Variants in ST6GALNAC3 observed in about 807,000 individuals in gnomAD.
ST6GALNAC3 encodes alpha-N-acetylgalactosaminide alpha-2,6-sialyltransferase 3.
Under a neutral mutation model 32.7 loss-of-function variants are expected in ST6GALNAC3, and 25 were observed. The observed-to-expected ratio is 0.76, with a 90% confidence interval of 0.56 to 1.07. The LOEUF (loss-of-function observed/expected upper bound fraction) is 1.07, where lower values mean the gene tolerates loss of function less well. Among genes scored for constraint, ST6GALNAC3 ranks in the 50% least tolerant of loss-of-function variants. The pLI is 0.00. For missense variants in ST6GALNAC3, 355 were observed against 382.4 expected (o/e 0.93, Z 0.60); for synonymous variants, 129 against 133.1 (o/e 0.97, Z 0.21).
chr1:76,525,789 G>GTATA lies in ST6GALNAC3; in HGVS notation c.624-101662_624-101661insATAT, dbSNP rs1475642074. 7.7e-3 allele frequency among the ~76,000 whole-genome samples: 452 copies of GTATA among 58,764 alleles called. 4 individuals are homozygous for GTATA. Among genetic ancestry groups the GTATA allele is most frequent in the Non-Finnish European group, 0.012 (305 of 26,476 alleles). 38.6% of individuals were successfully genotyped at this position (58,764 alleles called of 152,430 possible). A position where few individuals can be genotyped will look rare whatever the true frequency, so the allele number is the denominator to read the frequency against. ...TGTGTGTTTGTGTGTGTGTGTGTGT[G>GTATA]TGTATATATATATATATATATATAT... On this transcript the variant is annotated intron_variant, in intron 3 of 4. Transcript: ENST00000328299.
At chr1:76,592,965 A>G (rs1053569898) in intron 3 of ST6GALNAC3, among the ~76,000 whole-genome samples, 4 of 151,596 alleles carry the variant, frequency 2.6e-5, no homozygotes, top group African/African-American at 9.7e-5. Context: ...TCTTTTCCAC[A>G]TACAAAGAAC....
intron 1 of ST6GALNAC3, among the ~76,000 whole-genome samples, chr1:76,216,344 C>G (rs1655462303): frequency 6.6e-6 from 1 of 152,196 alleles, no homozygotes. Flanking sequence ...ATAAGCCCCA[C>G]AAGGGCCAGG....
intron 3 of ST6GALNAC3, among the ~76,000 whole-genome samples, chr1:76,587,381 C>T (rs2100569023): frequency 6.6e-6 from 1 of 152,260 alleles, no homozygotes; most frequent in South Asian, 2.1e-4. Flanking sequence ...GATCAGTTCT[C>T]CTCAGCGCCT....
At chr1:76,312,313 T>C (rs1266007027) in intron 1 of ST6GALNAC3, among the ~76,000 whole-genome samples, 2 of 152,038 alleles carry the variant, frequency 1.3e-5, no homozygotes, top group East Asian at 3.9e-4. Context: ...CCTAAAACCA[T>C]AAAAACCCTA....
At chr1:76,549,534 T>A (rs1340484133) in intron 3 of ST6GALNAC3, among the ~76,000 whole-genome samples, 1 of 152,102 alleles carries the variant, frequency 6.6e-6, no homozygotes, top group East Asian at 1.9e-4. Flanking sequence ...CATATAGCTA[T>A]GTAGTGTTTT....
intron 1 of ST6GALNAC3, among the ~76,000 whole-genome samples, chr1:76,108,580 G>T (rs756658179): frequency 2.6e-5 from 4 of 152,164 alleles, no homozygotes; most frequent in Non-Finnish European, 5.9e-5. Context: ...TTAAGAGATG[G>T]TTAAAGAAAC....
At chr1:76,381,186 A>G (rs202015183) in intron 2 of ST6GALNAC3, among the ~76,000 whole-genome samples, 73 of 128,724 alleles carry the variant, frequency 5.7e-4, no homozygotes, top group Non-Finnish European at 7.8e-4. Flanking sequence ...AAAAAAAAAA[A>G]GAAAAAAAAA....
chr1:76,553,056 C>T (rs1664730100), intron 3 of ST6GALNAC3, among the ~76,000 whole-genome samples: 1 of 152,050 alleles, frequency 6.6e-6, no homozygotes, highest in South Asian at 2.1e-4. Flanking sequence ...AATGTTGAAA[C>T]ATCTTTTTAT....
At chr1:76,457,084 G>A (rs1184491574) in intron 3 of ST6GALNAC3, among the ~76,000 whole-genome samples, 2 of 151,890 alleles carry the variant, frequency 1.3e-5, no homozygotes, top group Non-Finnish European at 2.9e-5. Flanking sequence ...GCCAAATCAT[G>A]AGTGAACTCC....
At chr1:76,568,961 A>G (rs1364701284) in intron 3 of ST6GALNAC3, among the ~76,000 whole-genome samples, 2 of 152,242 alleles carry the variant, frequency 1.3e-5, no homozygotes, top group African/African-American at 4.8e-5. Flanking sequence ...ATGTGGTTAA[A>G]CTGCCCCAGG....
intron 1 of ST6GALNAC3, among the ~76,000 whole-genome samples, chr1:76,184,152 C>G (rs973999006): frequency 6.6e-6 from 1 of 151,858 alleles, no homozygotes; most frequent in African/African-American, 2.4e-5. Context: ...CTTATGTGAA[C>G]CAAAAACATC....
chr1:76,323,490 A>G (rs1313818264), intron 2 of ST6GALNAC3, among the ~76,000 whole-genome samples: 1 of 152,200 alleles, frequency 6.6e-6, no homozygotes, highest in African/African-American at 2.4e-5. Context: ...AGACTATCCT[A>G]GTCAACAAAT....
chr1:76,414,224 AG>A (rs1189521515), intron 3 of ST6GALNAC3, among the ~76,000 whole-genome samples: 3 of 152,112 alleles, frequency 2.0e-5, no homozygotes, highest in Admixed American at 6.6e-5. Flanking sequence ...TTAATTTGCA[AG>A]GTATCATTCG....
chr1:76,430,433 C>A (rs1267832958), intron 3 of ST6GALNAC3, among the ~76,000 whole-genome samples: 2 of 152,164 alleles, frequency 1.3e-5, no homozygotes, highest in Non-Finnish European at 2.9e-5. Flanking sequence ...TGTTCTCTGG[C>A]CCAACCACAT....
intron 1 of ST6GALNAC3, among the ~76,000 whole-genome samples, chr1:76,266,770 G>A (rs1192401947): frequency 6.6e-6 from 1 of 152,010 alleles, no homozygotes; most frequent in Non-Finnish European, 1.5e-5. Flanking sequence ...GTCCCTCTTG[G>A]GGCAGAGACA....
intron 1 of ST6GALNAC3, among the ~76,000 whole-genome samples, chr1:76,198,630 A>G (rs574069281): frequency 6.6e-6 from 1 of 152,274 alleles, no homozygotes; most frequent in Non-Finnish European, 1.5e-5. Context: ...AGAGGAATCA[A>G]GTCTGCCTCA....
intron 1 of ST6GALNAC3, among the ~76,000 whole-genome samples, chr1:76,276,006 C>A (rs539108621): frequency 6.6e-6 from 1 of 152,090 alleles, no homozygotes; most frequent in Admixed American, 6.6e-5. Context: ...AAATAGCTAG[C>A]ATTTCCAGGT....
intron 1 of ST6GALNAC3, among the ~76,000 whole-genome samples, chr1:76,097,811 C>T (rs2100766614): frequency 6.6e-6 from 1 of 152,206 alleles, no homozygotes; most frequent in African/African-American, 2.4e-5. Context: ...CATTCCTGTA[C>T]CTGTCTCTTG....
chr1:76,248,908 G>A (rs942216480), intron 1 of ST6GALNAC3, among the ~76,000 whole-genome samples: 4 of 152,084 alleles, frequency 2.6e-5, no homozygotes, highest in East Asian at 1.9e-4. Context: ...AAGTTACTAA[G>A]ATCTAGCACT....
Sources: gnomAD v4.1 joint callset for allele counts (sites outside exome capture counted in the v4.1 genomes callset) on GRCh38, gnomAD v4.1.1 for gene constraint, MANE v1.5 for transcripts, NCBI Gene and HGNC (gene_info 2026-07-23, HGNC 2026-07-21) for gene names.